SLC8A1: variants seen among roughly 807,000 people sequenced by gnomAD.
SLC8A1 encodes the protein solute carrier family 8 member A1.
In SLC8A1, 18 loss-of-function variants were observed where a neutral mutation model predicts 68.3. The observed-to-expected ratio is 0.26, with a 90% CI of 0.18 to 0.39. SLC8A1 has a LOEUF of 0.39. Ranked by LOEUF, SLC8A1 falls within the 10% of genes least tolerant of loss-of-function variation. SLC8A1 has a pLI of 1.00. For missense variants in SLC8A1, 985 were observed against 1,156.7 expected (o/e 0.85, Z 2.15); for synonymous variants, 475 against 415.5 (o/e 1.14, Z -1.74).
At chr2:40,297,422 G>T (rs2192769) in intron 2 of SLC8A1, among the ~76,000 whole-genome samples, 8 of 151,874 alleles carry the variant, frequency 5.3e-5, no homozygotes, top group Admixed American at 3.3e-4. Flanking sequence ...TTCTCTTTCA[G>T]GCATAAAATC....
At chr2:40,446,728 G>C (rs1701516500) in intron 1 of SLC8A1, 2 of 152,182 alleles carry the variant, frequency 1.3e-5, no homozygotes, top group Non-Finnish European at 2.9e-5. Flanking sequence ...CTTGGCCCAA[G>C]TTATTTCACT....
chr2:40,480,419 T>C (rs1047618596), intron 1 of SLC8A1, among the ~76,000 whole-genome samples: 5 of 152,162 alleles, frequency 3.3e-5, no homozygotes, highest in Non-Finnish European at 7.3e-5. Context: ...CCTTGCATCA[T>C]GTGTGGACAC....
At chr2:40,435,315 A>G (rs549387717) in intron 1 of SLC8A1, among the ~76,000 whole-genome samples, 2 of 152,324 alleles carry the variant, frequency 1.3e-5, no homozygotes, top group Non-Finnish European at 2.9e-5. Context: ...AGATGATGCC[A>G]GAGGATGAAG....
chr2:40,352,930 C>T (rs763367631), intron 2 of SLC8A1, among the ~76,000 whole-genome samples: 2 of 152,064 alleles, frequency 1.3e-5, no homozygotes, highest in African/African-American at 2.4e-5. Flanking sequence ...AATACATCTA[C>T]GAGAAACCAG....
intron 6 of SLC8A1, among the ~76,000 whole-genome samples, chr2:40,160,323 C>A (rs1366423): frequency 0.78 from 118,467 of 152,090 alleles, 47,660 homozygotes; most frequent in Non-Finnish European, 0.88. Flanking sequence ...GTATTTGTTG[C>A]ATGTTGTTGA....
intron 2 of SLC8A1, among the ~76,000 whole-genome samples, chr2:40,346,108 T>A (rs1449977415): frequency 6.7e-6 from 1 of 148,746 alleles, no homozygotes; most frequent in East Asian, 2.0e-4. Flanking sequence ...AAGTTTCCTG[T>A]GGTCCCCTCA....
Position 40,384,360 on chromosome 2 carries a change from C to T in SLC8A1, c.1808+44113G>A, listed in dbSNP as rs114353203. Among the ~76,000 whole-genome samples, 1,061 of 152,186 alleles carry T rather than the reference C, an allele frequency of 7.0e-3. 10 individuals are homozygous for T. Among genetic ancestry groups the T allele is most frequent in the Non-Finnish European group, 9.9e-3 (674 of 68,016 alleles). ...GATTCACTCTGTATGTTATTGAGCA[C>T]AGTCTTTTGTAGATTGTTGAAATTT... On this transcript the variant is annotated intron_variant, in intron 2 of 7. Transcript: ENST00000406785.
At chr2:40,306,864 G>A (rs1182614697) in intron 2 of SLC8A1, among the ~76,000 whole-genome samples, 1 of 152,086 alleles carries the variant, frequency 6.6e-6, no homozygotes, top group Admixed American at 6.6e-5. Flanking sequence ...CTATGCTGAA[G>A]GAATATTGTG....
At chr2:40,136,884 T>G (rs1450791289) in intron 7 of SLC8A1, among the ~76,000 whole-genome samples, 3 of 152,210 alleles carry the variant, frequency 2.0e-5, no homozygotes, top group Non-Finnish European at 4.4e-5. Flanking sequence ...ATATATTGTT[T>G]GGGGAGCTTG....
chr2:40,301,319 G>A (rs185375556), intron 2 of SLC8A1, among the ~76,000 whole-genome samples: 1 of 152,276 alleles, frequency 6.6e-6, no homozygotes, highest in East Asian at 1.9e-4. Context: ...ACTTGTCCAA[G>A]GCCACAAAGC....
At chr2:40,143,673 G>A (rs1319073421) in intron 6 of SLC8A1, among the ~76,000 whole-genome samples, 2 of 152,156 alleles carry the variant, frequency 1.3e-5, no homozygotes, top group East Asian at 1.9e-4. Context: ...AGCTATTGAT[G>A]TAACAGTACT....
chr2:40,143,803 G>A (rs374473296), intron 6 of SLC8A1, among the ~76,000 whole-genome samples: 50 of 152,190 alleles, frequency 3.3e-4, no homozygotes, highest in African/African-American at 1.1e-3. Context: ...GTTTCTTTAC[G>A]TGTCTCTCTA....
intron 2 of SLC8A1, among the ~76,000 whole-genome samples, chr2:40,335,359 T>C (rs184082770): frequency 1.3e-5 from 2 of 152,314 alleles, no homozygotes; most frequent in East Asian, 1.9e-4. Context: ...CTACCATATA[T>C]TGATGTATTT....
At chr2:40,182,853 A>G (rs374040309) in intron 2 of SLC8A1, among the ~76,000 whole-genome samples, 1 of 152,140 alleles carries the variant, frequency 6.6e-6, no homozygotes, top group African/African-American at 2.4e-5. Context: ...TTGTCCTTCT[A>G]TGGTTTCTTT....
intron 2 of SLC8A1, among the ~76,000 whole-genome samples, chr2:40,403,606 G>A (rs528995310): frequency 6.6e-6 from 1 of 152,258 alleles, no homozygotes; most frequent in East Asian, 1.9e-4. Context: ...AATATTCCAG[G>A]CAGCCTTGTC....
At chr2:40,354,863 G>T (rs1672209193) in intron 2 of SLC8A1, among the ~76,000 whole-genome samples, 1 of 152,070 alleles carries the variant, frequency 6.6e-6, no homozygotes, top group South Asian at 2.1e-4. Flanking sequence ...TAATAATAAG[G>T]ATCTTGACAA....
At position 40,428,432 on chromosome 2, in the gene SLC8A1, C is replaced by CACACACAT. The variant is rs771329379; in HGVS notation, c.1808+40_1808+41insATGTGTGT. On this transcript the variant is annotated intron_variant, in intron 2 of 7. Transcript: ENST00000406785. ...TCATAAACACACTGAACCACACACA[C>CACACACAT]ACACACACACACACACACACATATA... The CACACACAT allele has an allele frequency of 2.5e-4, 308 of 1,225,052 alleles. No homozygotes were observed. In the African/African-American group the frequency reaches 4.1e-3, roughly 16 times the overall value. 75.9% of individuals were successfully genotyped at this position (1,225,052 alleles called of 1,614,324 possible).
chr2:40,187,277 C>T (rs1053266324), intron 2 of SLC8A1, among the ~76,000 whole-genome samples: 10 of 152,158 alleles, frequency 6.6e-5, no homozygotes, highest in African/African-American at 2.4e-4. Flanking sequence ...GGAGCTCCTG[C>T]TATGAAGCCT....
At chr2:40,444,341 G>A (rs1007103263) in intron 1 of SLC8A1, among the ~76,000 whole-genome samples, 6 of 152,162 alleles carry the variant, frequency 3.9e-5, no homozygotes, top group Non-Finnish European at 7.4e-5. Context: ...CCTGTTTAAA[G>A]AAAAGTAAAA....
Sources: allele counts gnomAD v4.1 joint callset (sites outside exome capture counted in the v4.1 genomes callset), GRCh38; gene constraint gnomAD v4.1.1; transcripts MANE v1.5; gene names NCBI Gene and HGNC (gene_info 2026-07-23, HGNC 2026-07-21).